SMCO1: variants seen among roughly 807,000 people sequenced by gnomAD.
SMCO1 encodes the protein single-pass membrane and coiled-coil domain-containing protein 1.
Under a neutral mutation model 7.5 loss-of-function variants are expected in SMCO1, and 9 were observed. That is an observed-to-expected ratio of 1.20 (90% CI 0.72 to 2.09). The LOEUF is 2.09. Ranked by LOEUF, SMCO1 falls within the 30% of genes most tolerant of loss-of-function variation. The probability of loss-of-function intolerance (pLI) is 0.00; values close to 1 mark genes in which losing one functional copy is unlikely to be tolerated. For missense variants in SMCO1, 219 were observed against 253.1 expected (o/e 0.87, Z 0.91); for synonymous variants, 90 against 93.8 (o/e 0.96, Z 0.23).
At chr3:196,520,324 A>T (rs1733470926), upstream of SMCO1, among the ~76,000 whole-genome samples, 1 of 152,046 alleles carries the variant, frequency 6.6e-6, no homozygotes, top group Non-Finnish European at 1.5e-5. Flanking sequence ...TGTACAATGG[A>T]CTCAGTTCTT....
chr3:196,515,983 GATAGGATATATATATATATATATATATAT>G (rs1483922295), upstream of SMCO1, among the ~76,000 whole-genome samples: 40 of 81,870 alleles, frequency 4.9e-4, 1 homozygote, highest in East Asian at 2.1e-3. Context: ...CGGGCAAGAG[GATAGGATATATATATATATATATATATAT>G]ATATATATAT....
intron 1 of SMCO1, among the ~76,000 whole-genome samples, chr3:196,512,377 G>A (rs1733268295): frequency 6.6e-6 from 1 of 152,274 alleles, no homozygotes; most frequent in East Asian, 1.9e-4. Flanking sequence ...TATCTCCAGT[G>A]ACCTGAATAC....
At chr3:196,516,109 A>G (rs1410523037), upstream of SMCO1, among the ~76,000 whole-genome samples, 2 of 143,840 alleles carry the variant, frequency 1.4e-5, no homozygotes, top group African/African-American at 5.0e-5. Flanking sequence ...ATAATTTTAT[A>G]TAATTATATA....
chr3:196,518,430 G>A (rs1189448890), upstream of SMCO1, among the ~76,000 whole-genome samples: 4 of 152,208 alleles, frequency 2.6e-5, no homozygotes, highest in African/African-American at 9.6e-5. Flanking sequence ...ATGTGACAAA[G>A]GACCCTGGAT....
chr3:196,511,558 T>A (rs1733231768), intron 1 of SMCO1, among the ~76,000 whole-genome samples: 1 of 89,978 alleles, frequency 1.1e-5, no homozygotes, highest in African/African-American at 8.0e-5. Flanking sequence ...GAAACCTGCC[T>A]GGGCCACCTA....
intron 1 of SMCO1, among the ~76,000 whole-genome samples, chr3:196,510,139 A>T (rs937471270): frequency 6.6e-6 from 1 of 151,996 alleles, no homozygotes; most frequent in African/African-American, 2.4e-5. Context: ...GCTAATTTTT[A>T]AAAAATATTT....
At chr3:196,517,187 C>A (rs1733408930), upstream of SMCO1, among the ~76,000 whole-genome samples, 1 of 150,314 alleles carries the variant, frequency 6.7e-6, no homozygotes, top group Non-Finnish European at 1.5e-5. Flanking sequence ...TGGTCTTCGT[C>A]CCCATTTCAG....
upstream of SMCO1, among the ~76,000 whole-genome samples, chr3:196,516,785 T>C (rs1049320324): frequency 2.6e-5 from 4 of 152,092 alleles, no homozygotes; most frequent in African/African-American, 9.7e-5. Flanking sequence ...TTTGGACAGA[T>C]GTGAGCTGTT....
upstream of SMCO1, chr3:196,515,358 C>T: frequency 1.6e-6 from 1 of 638,496 alleles, no homozygotes; most frequent in East Asian, 2.7e-5. Flanking sequence ...AAAGGTCACT[C>T]AGTACAAGAA....
chr3:196,517,580 AC>A (rs77585822), upstream of SMCO1, among the ~76,000 whole-genome samples: 73,726 of 148,818 alleles, frequency 0.5, 22,022 homozygotes, highest in African/African-American at 0.84. Flanking sequence ...CTCTAACAGC[AC>A]CCCCCCATAC....
At chr3:196,511,060 T>A (rs1331695071) in intron 1 of SMCO1, among the ~76,000 whole-genome samples, 1 of 152,160 alleles carries the variant, frequency 6.6e-6, no homozygotes, top group East Asian at 1.9e-4. Context: ...AGATTGTCCT[T>A]ATGAGGGAAA....
chr3:196,507,310 T>A lies in SMCO1; in HGVS notation c.*577A>T, dbSNP rs1733071253. 1.3e-5 allele frequency: 2 copies of A among 152,284 alleles called. No homozygotes were observed. The highest frequency in any genetic ancestry group is 6.5e-5 in the Admixed American group (1 of 15,282). 9.4% of individuals were successfully genotyped at this position (152,284 alleles called of 1,614,324 possible). Reference sequence around the variant, plus strand: ...ATTGCTATCACTGTGTTGCCCAGGCTGGTCTGAAACCCCTGAGCTCAAGTG... The same window carrying A: ...ATTGCTATCACTGTGTTGCCCAGGCAGGTCTGAAACCCCTGAGCTCAAGTG... On this transcript the variant is annotated 3_prime_UTR_variant, in exon 3 of 3. Coordinates refer to ENST00000397537, the MANE Select transcript of SMCO1 (RefSeq NM_001077657.3).
the SMCO1 span, among the ~76,000 whole-genome samples, chr3:196,520,846 A>C: frequency 6.6e-6 from 1 of 152,206 alleles, no homozygotes; most frequent in South Asian, 2.1e-4. Context: ...AATAGTTAGA[A>C]TAAGAATAGT....
rs760303135 is a variant in SMCO1, at chr3:196,507,857, G to A, written c.*30C>T. On this transcript the variant is annotated 3_prime_UTR_variant, in exon 3 of 3. Transcript: ENST00000397537. ...GCTGTTTCCAAGATAAATTACTGTA[G>A]GTGGAATCACTGGGTCATAGGGTAA... 4.6e-5 allele frequency: 65 copies of A among 1,399,538 alleles called. No individual in the cohort carries two copies. In the Middle Eastern group the frequency reaches 8.9e-4, roughly 19 times the overall value. 86.7% of individuals were successfully genotyped at this position (1,399,538 alleles called of 1,614,324 possible).
chr3:196,510,980 T>G (rs1733205034), intron 1 of SMCO1, among the ~76,000 whole-genome samples: 1 of 152,258 alleles, frequency 6.6e-6, no homozygotes, highest in East Asian at 1.9e-4. Context: ...CAGAGGCTGC[T>G]GTGGCACCAG....
chr3:196,508,257 A>G lies in SMCO1; in HGVS notation c.275T>C (p.Leu92Pro). Reference protein sequence around the residue: ...EVLICLHTRVLEKLPDLVRGL... With the variant: ...EVLICLHTRVPEKLPDLVRGL... ...TCTCACCAGGTCTGGCAGCTTCTCA[A>G]GCACACGAGTATGCAAGCAGATAAG... is the stretch of plus-strand genomic sequence containing the variant. Residue 92 changes from leucine to proline, a missense_variant, in exon 3 of 3, where the codon CTT becomes CCT. Physicochemically the swap from Leu to Pro is moderately conservative, Grantham distance 98. Coordinates refer to ENST00000397537, the MANE Select transcript of SMCO1 (RefSeq NM_001077657.3). 6.2e-7 allele frequency: 1 copy of G among 1,614,186 alleles called. No individual in the cohort carries two copies. The highest frequency in any genetic ancestry group is 8.5e-7 in the Non-Finnish European group (1 of 1,180,022).
At chr3:196,509,071 A>G (rs1307915927) in intron 2 of SMCO1, among the ~76,000 whole-genome samples, 6 of 150,734 alleles carry the variant, frequency 4.0e-5, no homozygotes, top group Non-Finnish European at 8.9e-5. Context: ...TTTCTTTGAG[A>G]CGGAGTCTCG....
At chr3:196,512,503 T>G (rs1474675985) in intron 1 of SMCO1, among the ~76,000 whole-genome samples, 2 of 146,232 alleles carry the variant, frequency 1.4e-5, no homozygotes, top group Non-Finnish European at 3.0e-5. Flanking sequence ...AACCTGTATT[T>G]CCTTTCTTTT....
chr3:196,507,404 T>C lies in SMCO1; in HGVS notation c.*483A>G. On this transcript the variant is annotated 3_prime_UTR_variant, in exon 3 of 3. Coordinates refer to ENST00000397537, the MANE Select transcript of SMCO1 (RefSeq NM_001077657.3). ...GAGCCACCATGTCCGGCCTTGTTTATTTTTTAAATAGGTAATACATTCACA... is the reference window on the plus strand; with the variant it reads ...GAGCCACCATGTCCGGCCTTGTTTACTTTTTAAATAGGTAATACATTCACA... The C allele has an allele frequency of 6.6e-6, 1 of 152,246 alleles. No individual in the cohort carries two copies. Among genetic ancestry groups the C allele is most frequent in the Non-Finnish European group, 1.5e-5 (1 of 68,092 alleles). The allele number at this position is 152,246 out of a possible 1,614,324, so 9.4% of individuals were successfully genotyped here.
Sources: allele counts gnomAD v4.1 joint callset (sites outside exome capture counted in the v4.1 genomes callset), GRCh38; gene constraint gnomAD v4.1.1; transcripts MANE v1.5; gene names NCBI Gene and HGNC (gene_info 2026-07-23, HGNC 2026-07-21).